The following FHIT variants were observed in gnomAD, a reference collection of about 807,000 sequenced individuals.
FHIT encodes fragile histidine triad diadenosine triphosphatase.
Under a neutral mutation model 17.9 loss-of-function variants are expected in FHIT, and 19 were observed. The ratio of observed to expected loss-of-function variants is 1.06; its 90% CI spans 0.74 to 1.56. FHIT has a LOEUF of 1.56. Ranked by LOEUF, FHIT falls within the 40% of genes most tolerant of loss-of-function variation. The pLI, the probability that FHIT is intolerant of heterozygous loss-of-function variation, is 0.00. For missense variants in FHIT, 248 were observed against 189.2 expected (o/e 1.31, Z -1.82); for synonymous variants, 81 against 69.7 (o/e 1.16, Z -0.81).
intron 5 of FHIT, among the ~76,000 whole-genome samples, chr3:60,216,799 C>G (rs1298589691): frequency 1.3e-5 from 2 of 152,126 alleles, no homozygotes; most frequent in South Asian, 2.1e-4. Flanking sequence ...CTTACCCTTT[C>G]CTGCTACCAA....
At chr3:59,776,749 G>A (rs1184063594) in intron 8 of FHIT, among the ~76,000 whole-genome samples, 1 of 152,292 alleles carries the variant, frequency 6.6e-6, no homozygotes, top group East Asian at 1.9e-4. Flanking sequence ...TGTGTGCTCA[G>A]CGCTGATCCA....
At chr3:61,138,651 G>A (rs944439995) in intron 2 of FHIT, among the ~76,000 whole-genome samples, 2 of 152,188 alleles carry the variant, frequency 1.3e-5, no homozygotes, top group Admixed American at 6.5e-5. Context: ...GCTGGGCCCC[G>A]TGGCTTGAAG....
chr3:61,023,943 A>G (rs1035409400), intron 3 of FHIT, among the ~76,000 whole-genome samples: 1 of 152,100 alleles, frequency 6.6e-6, no homozygotes, highest in Non-Finnish European at 1.5e-5. Flanking sequence ...GCATGGGCAA[A>G]GACTTCATGA....
At chr3:60,813,953 A>T (rs143117195) in intron 4 of FHIT, among the ~76,000 whole-genome samples, 2 of 152,032 alleles carry the variant, frequency 1.3e-5, no homozygotes, top group Admixed American at 1.3e-4. Flanking sequence ...ATTTCCATCA[A>T]TTTATTTTAA....
At chr3:60,399,345 G>C (rs1241236721) in intron 5 of FHIT, among the ~76,000 whole-genome samples, 2 of 152,074 alleles carry the variant, frequency 1.3e-5, no homozygotes, top group Non-Finnish European at 2.9e-5. Flanking sequence ...TCTTCTCACA[G>C]TGTGTGAAGA....
At chr3:61,071,602 A>G (rs2034808598) in intron 2 of FHIT, among the ~76,000 whole-genome samples, 1 of 152,226 alleles carries the variant, frequency 6.6e-6, no homozygotes, top group South Asian at 2.1e-4. Context: ...AGGAAAATGT[A>G]TAAAAATGTA....
intron 2 of FHIT, among the ~76,000 whole-genome samples, chr3:61,089,750 G>C (rs1216735545): frequency 6.6e-6 from 1 of 152,064 alleles, no homozygotes; most frequent in African/African-American, 2.4e-5. Flanking sequence ...ATTCTATTCA[G>C]CCCCAAATTA....
intron 3 of FHIT, among the ~76,000 whole-genome samples, chr3:60,896,224 C>A (rs1451415875): frequency 6.6e-6 from 1 of 152,070 alleles, no homozygotes; most frequent in East Asian, 1.9e-4. Flanking sequence ...GTCCCTGGTG[C>A]CAAAAAGGTT....
At chr3:60,853,406 T>C (rs1170105085) in intron 3 of FHIT, among the ~76,000 whole-genome samples, 2 of 152,130 alleles carry the variant, frequency 1.3e-5, no homozygotes, top group Non-Finnish European at 1.5e-5. Flanking sequence ...TGTGAAGTCA[T>C]AGCCCCTGGA....
chr3:60,617,074 A>G (rs1013104047), intron 4 of FHIT: 3 of 217,822 alleles, frequency 1.4e-5, no homozygotes, highest in Middle Eastern at 5.0e-4. Context: ...GACAGCCTGG[A>G]GTTTTTAACA....
chr3:60,423,485 G>A (rs1051960240), intron 5 of FHIT, among the ~76,000 whole-genome samples: 61 of 152,046 alleles, frequency 4.0e-4, no homozygotes, highest in African/African-American at 1.4e-3. Flanking sequence ...AATTAGTGAG[G>A]TTTTTTTCTG....
chr3:60,469,261 C>T (rs1040243324), intron 5 of FHIT, among the ~76,000 whole-genome samples: 1 of 151,986 alleles, frequency 6.6e-6, no homozygotes. Flanking sequence ...TCTCTCTCTG[C>T]CTCCTCTTTA....
chr3:60,402,332 A>C (rs1701694114), intron 5 of FHIT, among the ~76,000 whole-genome samples: 1 of 152,222 alleles, frequency 6.6e-6, no homozygotes, highest in African/African-American at 2.4e-5. Context: ...GCCAACCATG[A>C]AGTAAATTCC....
chr3:60,819,556 C>G (rs868926268), intron 4 of FHIT, among the ~76,000 whole-genome samples: 1 of 152,094 alleles, frequency 6.6e-6, no homozygotes, highest in South Asian at 2.1e-4. Flanking sequence ...ACTGAAAATC[C>G]TAAAATGCCA....
At position 60,860,184 on chromosome 3, in the gene FHIT, C is replaced by T. The variant is rs959920942; in HGVS notation, c.-110-38173G>A. Among the ~76,000 whole-genome samples, 143 of 136,370 alleles carry T rather than the reference C, an allele frequency of 1.0e-3. 4 individuals are homozygous for T. Among genetic ancestry groups the T allele is most frequent in the African/African-American group, 2.4e-3 (77 of 32,564 alleles). 89.5% of individuals were successfully genotyped at this position (136,370 alleles called of 152,430 possible). On this transcript the variant is annotated intron_variant, in intron 3 of 9. Coordinates refer to ENST00000492590, the MANE Select transcript of FHIT (RefSeq NM_002012.4). The stretch of plus-strand genomic sequence containing the variant: ...ATACATCATATGTATATATGGTATA[C>T]ATGAGATACATCATATGTATATATG...
At chr3:59,934,601 C>G (rs368541234) in intron 7 of FHIT, among the ~76,000 whole-genome samples, 1 of 152,072 alleles carries the variant, frequency 6.6e-6, no homozygotes, top group Admixed American at 6.6e-5. Context: ...AAAGACATAC[C>G]TGAGACTGGG....
At chr3:60,026,814 T>C (rs1451090048) in intron 5 of FHIT, among the ~76,000 whole-genome samples, 1 of 152,082 alleles carries the variant, frequency 6.6e-6, no homozygotes, top group Non-Finnish European at 1.5e-5. Flanking sequence ...AATTAGTAGA[T>C]CTGGCCAGGT....
At chr3:61,142,613 C>T (rs992363706) in intron 2 of FHIT, among the ~76,000 whole-genome samples, 2 of 151,694 alleles carry the variant, frequency 1.3e-5, no homozygotes, top group African/African-American at 4.8e-5. Context: ...AACCATGCAA[C>T]CATTAAAAGT....
chr3:60,398,034 T>C (rs1701518293), intron 5 of FHIT, among the ~76,000 whole-genome samples: 1 of 152,130 alleles, frequency 6.6e-6, no homozygotes, highest in Admixed American at 6.5e-5. Flanking sequence ...CCCTCTTTGC[T>C]GAGAGCTTTC....
Sources: allele counts gnomAD v4.1 joint callset (sites outside exome capture counted in the v4.1 genomes callset), GRCh38; gene constraint gnomAD v4.1.1; transcripts MANE v1.5; gene names NCBI Gene and HGNC (gene_info 2026-07-23, HGNC 2026-07-21).